COL23A1: variants seen among roughly 807,000 people sequenced by gnomAD.
COL23A1 encodes the protein collagen alpha-1(XXIII) chain.
In COL23A1, 97 loss-of-function variants were observed where a neutral mutation model predicts 99.3. The observed-to-expected ratio is 0.98, with a 90% CI of 0.83 to 1.16. The LOEUF is 1.16. COL23A1 is among the 50% of genes most tolerant of loss of function. The probability of loss-of-function intolerance (pLI) is 0.00; values close to 1 mark genes in which losing one functional copy is unlikely to be tolerated. For synonymous variants in COL23A1, 320 were observed against 308.2 expected, an observed-to-expected ratio of 1.04 and a Z score of -0.40; for missense variants, 762 against 757.4, an observed-to-expected ratio of 1.01 and a Z score of -0.07.
At chr5:178,448,811 C>T (rs923297964) in intron 2 of COL23A1, among the ~76,000 whole-genome samples, 3 of 152,216 alleles carry the variant, frequency 2.0e-5, no homozygotes, top group African/African-American at 7.2e-5. Context: ...TAGCAGCACC[C>T]TCATAAACCT....
intron 2 of COL23A1, among the ~76,000 whole-genome samples, chr5:178,333,485 C>T (rs1760150752): frequency 6.6e-6 from 1 of 152,168 alleles, no homozygotes. Flanking sequence ...AGGCTGCCTC[C>T]CCACCCAGCC....
rs1424871090 is a variant in COL23A1 at position 178,258,241 on chromosome 5, A to ATC, written c.730-675_730-674insGA. On this transcript the variant is annotated intron_variant, in intron 12 of 28. Transcript: ENST00000390654. ...AGAGTGAGATCCTGTCTTAAAATAT[A>ATC]TATATATATATATATATATATACAC... Among the ~76,000 whole-genome samples, 19 of 84,510 alleles carry ATC rather than the reference A, an allele frequency of 2.2e-4. 1 individual carries two copies. The highest frequency in any genetic ancestry group is 3.5e-4 in the Non-Finnish European group (15 of 43,162). 55.4% of individuals were successfully genotyped at this position (84,510 alleles called of 152,430 possible). A position where few individuals can be genotyped will look rare whatever the true frequency, so the allele number is the denominator to read the frequency against.
At chr5:178,355,276 T>TA (rs61230473) in intron 2 of COL23A1, among the ~76,000 whole-genome samples, 112,829 of 151,612 alleles carry the variant, frequency 0.74, 42,459 homozygotes, top group Middle Eastern at 0.84. Context: ...GAACCTCAAA[T>TA]AAAATAAGAT....
chr5:178,249,016 G>C (rs1764866252), intron 19 of COL23A1, 101 bp downstream of exon 19: 1 of 1,206,820 alleles, frequency 8.3e-7, no homozygotes, highest in African/African-American at 1.5e-5. Context: ...CGCAGGGGCT[G>C]TCAGGGTCAC....
chr5:178,251,568 A>T (rs1425862345), intron 17 of COL23A1, among the ~76,000 whole-genome samples: 1 of 152,192 alleles, frequency 6.6e-6, no homozygotes, highest in East Asian at 1.9e-4. Flanking sequence ...TGCTTATAGG[A>T]AAATTTATAG....
At chr5:178,539,544 T>TA (rs1761167445) in intron 2 of COL23A1, among the ~76,000 whole-genome samples, 1 of 16,346 alleles carries the variant, frequency 6.1e-5, no homozygotes, top group Non-Finnish European at 1.1e-4. Flanking sequence ...AGACTCTGTC[T>TA]CAAAAAAAAA....
At chr5:178,247,886 C>T (rs537101470) in intron 20 of COL23A1, 55 bp from the exon 21 acceptor site, 106 of 1,471,802 alleles carry the variant, frequency 7.2e-5, no homozygotes, top group South Asian at 1.9e-4. Flanking sequence ...CTCACCTACC[C>T]GCACCCGAGC....
intron 2 of COL23A1, among the ~76,000 whole-genome samples, chr5:178,383,217 G>T (rs931590308): frequency 1.3e-5 from 2 of 151,882 alleles, no homozygotes; most frequent in African/African-American, 4.9e-5. Flanking sequence ...TAGGTGCTGC[G>T]GCTACTGGTC....
rs111969749 is a variant in COL23A1 at position 178,435,760 on chromosome 5, A to G, written c.361+124922T>C. Among the ~76,000 whole-genome samples the G allele has an allele frequency of 9.0e-3, 1,376 of 152,242 alleles. 20 individuals carry two copies. Among genetic ancestry groups the G allele is most frequent in the African/African-American group, 0.031 (1,296 of 41,548 alleles). On this transcript the variant is annotated intron_variant, in intron 2 of 28. Coordinates refer to ENST00000390654, the MANE Select transcript of COL23A1 (RefSeq NM_173465.4). ...CAGGGCCCTGTTTACCTTAGATGGT[A>G]TGTTTTGGAGGTGGCCCTGGAGAGG...
intron 3 of COL23A1, among the ~76,000 whole-genome samples, chr5:178,294,651 A>G (rs1383426866): frequency 1.3e-5 from 2 of 152,272 alleles, no homozygotes; most frequent in Non-Finnish European, 2.9e-5. Flanking sequence ...ATGAATTCCA[A>G]AAGGATCAAT....
In COL23A1 at chr5:178,569,659, T is replaced by C. The variant is rs912204513; in HGVS notation, c.295-8911A>G. ...CTGCAGTTGGTCTCTGCTCAGGTTC[T>C]CGAGGCTGAAATCAATGAGTCAGCT... On this transcript the variant is annotated intron_variant, in intron 1 of 28. Coordinates refer to ENST00000390654, the MANE Select transcript of COL23A1 (RefSeq NM_173465.4). Among the ~76,000 whole-genome samples the C allele has an allele frequency of 1.3e-4, 20 of 152,338 alleles. 1 individual carries two copies. Among genetic ancestry groups the C allele is most frequent in the African/African-American group, 4.8e-4 (20 of 41,586 alleles).
intron 20 of COL23A1, 106 bp from the exon 21 acceptor site, chr5:178,247,937 C>T (rs566753970): frequency 2.9e-6 from 3 of 1,049,906 alleles, no homozygotes; most frequent in Admixed American, 5.0e-5. Context: ...TTCCTGCCCC[C>T]CAGAGGGCAG....
At chr5:178,490,477 G>C (rs1452233473) in intron 2 of COL23A1, among the ~76,000 whole-genome samples, 2 of 152,148 alleles carry the variant, frequency 1.3e-5, no homozygotes, top group African/African-American at 4.8e-5. Flanking sequence ...AATGGGTACA[G>C]AGTTTCAGTT....
Position 178,252,584 on chromosome 5 carries a change from G to C in COL23A1, c.974C>G (p.Pro325Arg). The change falls in exon 17 of 29, where the codon CCA (proline) becomes CGA (arginine). Residue 325 changes from proline (P) to arginine (R), a missense_variant. Physicochemically the swap from Pro to Arg is moderately radical, Grantham distance 103. Coordinates refer to ENST00000390654, the MANE Select transcript of COL23A1 (RefSeq NM_173465.4). The stretch of plus-strand genomic sequence containing the variant: ...CCCTGGTGGCCCTGGGGGCCCCTGT[G>C]GTCCGGGAGGCCCCTGTGTGTGAGA... ...ILDALKGPPGPQGPPGPPGIP... is the reference protein window; with the variant it reads ...ILDALKGPPGRQGPPGPPGIP... The C allele has an allele frequency of 6.2e-6, 10 of 1,610,758 alleles. No homozygotes were observed. Among genetic ancestry groups the C allele is most frequent in the Non-Finnish European group, 8.5e-6 (10 of 1,178,686 alleles).
rs928983320 is a variant in COL23A1 at position 178,278,472 on chromosome 5, G to A, written c.442-8109C>T. On this transcript the variant is annotated intron_variant, in intron 5 of 28. Coordinates refer to ENST00000390654, the MANE Select transcript of COL23A1 (RefSeq NM_173465.4). ...ATGTGGTAGTGATGACTGCATGTGC[G>A]GAACTGCACCCCGATGGGGCGGGTG... Among the ~76,000 whole-genome samples, 6 of 152,366 alleles carry A rather than the reference G, an allele frequency of 3.9e-5. 1 individual carries two copies. In the South Asian group the frequency reaches 1.0e-3, roughly 26 times the overall value.
intron 3 of COL23A1, among the ~76,000 whole-genome samples, chr5:178,299,274 C>T (rs986478884): frequency 2.0e-4 from 30 of 152,158 alleles, no homozygotes; most frequent in African/African-American, 6.5e-4. Flanking sequence ...TGAAGCCATC[C>T]GATTCTGGGC....
intron 1 of COL23A1, among the ~76,000 whole-genome samples, chr5:178,585,310 A>C (rs1175894808): frequency 6.7e-6 from 1 of 149,118 alleles, no homozygotes; most frequent in African/African-American, 2.5e-5. Flanking sequence ...TCCACGGCTG[A>C]CCCTGGGGTA....
At chr5:178,321,154 G>T (rs1759280574) in intron 2 of COL23A1, among the ~76,000 whole-genome samples, 1 of 152,198 alleles carries the variant, frequency 6.6e-6, no homozygotes, top group South Asian at 2.1e-4. Flanking sequence ...TAGCATGAAA[G>T]GTCCCATCTT....
At chr5:178,467,323 A>G (rs1398799224) in intron 2 of COL23A1, among the ~76,000 whole-genome samples, 1 of 152,138 alleles carries the variant, frequency 6.6e-6, no homozygotes, top group African/African-American at 2.4e-5. Flanking sequence ...CCCCTGGTGG[A>G]GACCCTTCCA....
Sources: gnomAD v4.1 joint callset for allele counts (sites outside exome capture counted in the v4.1 genomes callset) on GRCh38, gnomAD v4.1.1 for gene constraint, MANE v1.5 for transcripts, NCBI Gene and HGNC (gene_info 2026-07-23, HGNC 2026-07-21) for gene names.